Variants in CLEC16A observed in about 807,000 individuals in gnomAD.
CLEC16A encodes C-type lectin domain containing 16A.
Under a neutral mutation model 109.5 loss-of-function variants are expected in CLEC16A, and 51 were observed. That is an observed-to-expected ratio of 0.47 (90% CI 0.37 to 0.59). CLEC16A has a LOEUF of 0.59. Ranked by LOEUF, CLEC16A falls within the 20% of genes least tolerant of loss-of-function variation. CLEC16A has a pLI of 0.00. For synonymous variants in CLEC16A, 673 were observed against 564.2 expected, an observed-to-expected ratio of 1.19 and a Z score of -2.73; for missense variants, 1,339 against 1,394.0, an observed-to-expected ratio of 0.96 and a Z score of 0.63.
At chr16:11,078,891 C>G (rs1360111073) in intron 19 of CLEC16A, among the ~76,000 whole-genome samples, 2 of 152,198 alleles carry the variant, frequency 1.3e-5, no homozygotes, top group Non-Finnish European at 2.9e-5. Flanking sequence ...CTCTCCCTCT[C>G]CTCTCCACTT....
rs566754801 is a variant in CLEC16A at position 10,949,423 on chromosome 16, T to C, written c.80+4626T>C. On this transcript the variant is annotated intron_variant, in intron 1 of 23. Coordinates refer to ENST00000409790, the MANE Select transcript of CLEC16A (RefSeq NM_015226.3). The stretch of plus-strand genomic sequence containing the variant: ...AATGGAGACCAACGGGGTGAGTCGT[T>C]GTTACCAGGCAGCGGGGTGTCAGGT... Among the ~76,000 whole-genome samples the C allele has an allele frequency of 2.6e-5, 4 of 152,100 alleles. No homozygotes were observed. In the East Asian group the frequency reaches 7.7e-4, roughly 29 times the overall value.
intron 23 of CLEC16A, among the ~76,000 whole-genome samples, chr16:11,173,065 C>G (rs942383656): frequency 2.0e-5 from 3 of 152,144 alleles, no homozygotes; most frequent in African/African-American, 4.8e-5. Context: ...AAGAGAGCCC[C>G]CTTCACCCCA....
intron 23 of CLEC16A, among the ~76,000 whole-genome samples, chr16:11,173,870 C>T (rs2068629664): frequency 6.6e-6 from 1 of 152,164 alleles, no homozygotes; most frequent in Non-Finnish European, 1.5e-5. Flanking sequence ...AACAGGACTC[C>T]ACCTTCTCTG....
At chr16:11,141,892 G>C (rs980646377) in intron 22 of CLEC16A, among the ~76,000 whole-genome samples, 12 of 152,194 alleles carry the variant, frequency 7.9e-5, no homozygotes, top group African/African-American at 2.9e-4. Context: ...TAGTGAGGTG[G>C]GAGAGGCTTG....
chr16:11,027,710 C>T, intron 13 of CLEC16A: 1 of 1,580,152 alleles, frequency 6.3e-7, no homozygotes, highest in East Asian at 2.2e-5. Flanking sequence ...AGGAGATGGG[C>T]ACACTTGGCT....
chr16:11,059,585 C>G (rs1000817068), intron 18 of CLEC16A, among the ~76,000 whole-genome samples: 8 of 152,132 alleles, frequency 5.3e-5, no homozygotes, highest in African/African-American at 1.9e-4. Context: ...TGGCCCCTTT[C>G]TAGTTTTGGG....
intron 11 of CLEC16A, among the ~76,000 whole-genome samples, chr16:11,017,706 C>G (rs950148788): frequency 8.5e-5 from 13 of 152,282 alleles, no homozygotes; most frequent in South Asian, 2.1e-4. Flanking sequence ...GAGAAGGGTA[C>G]TTCCCCTCTG....
At chr16:11,022,443 C>T (rs2046165491) in intron 12 of CLEC16A, among the ~76,000 whole-genome samples, 1 of 150,554 alleles carries the variant, frequency 6.6e-6, no homozygotes, top group Non-Finnish European at 1.5e-5. Context: ...CCTGCCTCAG[C>T]CTTCCTGAGG....
At chr16:11,145,059 C>T (rs549743850) in intron 22 of CLEC16A, among the ~76,000 whole-genome samples, 24 of 152,252 alleles carry the variant, frequency 1.6e-4, no homozygotes, top group Non-Finnish European at 2.9e-4. Context: ...GCTGTGAAAA[C>T]CACCATGTGC....
intron 5 of CLEC16A, 52 bp from the exon 6 acceptor site, chr16:10,972,502 T>G: frequency 6.3e-7 from 1 of 1,584,680 alleles, no homozygotes; most frequent in Non-Finnish European, 8.7e-7. Flanking sequence ...TGTTAACTGT[T>G]GTCTGTTTTT....
intron 11 of CLEC16A, among the ~76,000 whole-genome samples, chr16:11,010,806 C>T (rs895183448): frequency 2.0e-5 from 3 of 152,216 alleles, no homozygotes; most frequent in African/African-American, 4.8e-5. Context: ...TCCTTTACTC[C>T]GGAACATTTC....
At chr16:11,124,877 A>T (rs1490282342) in intron 21 of CLEC16A, among the ~76,000 whole-genome samples, 2 of 152,190 alleles carry the variant, frequency 1.3e-5, no homozygotes, top group African/African-American at 4.8e-5. Flanking sequence ...ACTTGCGCCC[A>T]GGAATTCGAG....
At chr16:11,047,234 G>C (rs1597192141) in intron 16 of CLEC16A, 58 bp from the exon 17 acceptor site, 1 of 1,453,406 alleles carries the variant, frequency 6.9e-7, no homozygotes. Flanking sequence ...ATAATACTCT[G>C]TTGTTTATGG....
intron 19 of CLEC16A, among the ~76,000 whole-genome samples, chr16:11,119,392 C>T (rs563934506): frequency 2.0e-5 from 3 of 152,194 alleles, no homozygotes; most frequent in Admixed American, 1.3e-4. Flanking sequence ...TCCAGCTTTG[C>T]TCTTTTTTTG....
rs773221432 is a variant in CLEC16A at position 11,178,618 on chromosome 16, G to T, written c.3090G>T (p.Pro1030=). ...SLTGMPPLST[P]AAACTEPVGE... The stretch of plus-strand genomic sequence containing the variant: ...CCGGCATGCCCCCGCTGTCCACGCC[G>T]GCTGCCGCCTGCACAGAGCCCGTGG... Residue 1030 remains proline, a synonymous_variant, in exon 24 of 24, where the codon CCG becomes CCT. Transcript: ENST00000409790. This position sits in a 1 kb window ranked among gnomAD's most constrained non-coding sequence, Gnocchi z 6.5. The T allele has an allele frequency of 3.7e-6, 6 of 1,600,834 alleles. No homozygotes were observed. In the East Asian group the frequency reaches 1.1e-4, roughly 30 times the overall value.
At chr16:10,987,581 G>T (rs2043751416) in intron 10 of CLEC16A, among the ~76,000 whole-genome samples, 1 of 152,194 alleles carries the variant, frequency 6.6e-6, no homozygotes, top group African/African-American at 2.4e-5. Flanking sequence ...TAGCCCACAT[G>T]TGTCGGCTTT....
At position 11,024,914 on chromosome 16, in the gene CLEC16A, T is replaced by C; in HGVS notation, c.1530T>C (p.His510=). 1 of 1,605,006 alleles carries C rather than the reference T, an allele frequency of 6.2e-7. No homozygotes were observed. The highest frequency in any genetic ancestry group is 8.5e-7 in the Non-Finnish European group (1 of 1,175,498). Residue 510 remains histidine (H), a synonymous_variant, in exon 13 of 24, where the codon CAT becomes CAC. Transcript: ENST00000409790. ...FVLCLLYAMS[H]NKGMDPEKLE... ...TCTGCCTCCTCTATGCCATGTCTCATAATAAAGGTAAGCACCCTTGCCTTG... is the reference window on the plus strand; with the variant it reads ...TCTGCCTCCTCTATGCCATGTCTCACAATAAAGGTAAGCACCCTTGCCTTG...
chr16:11,028,544 A>G (rs75318687), intron 13 of CLEC16A, among the ~76,000 whole-genome samples: 380 of 137,454 alleles, frequency 2.8e-3, no homozygotes, highest in Non-Finnish European at 4.5e-3. Context: ...TCTGCTGTGG[A>G]AAAAAAAAAA....
intron 10 of CLEC16A, among the ~76,000 whole-genome samples, chr16:10,985,045 CA>C (rs1264310552): frequency 6.6e-6 from 1 of 151,074 alleles, no homozygotes; most frequent in Non-Finnish European, 1.5e-5. Flanking sequence ...ACTAAAAATA[CA>C]AAAAAAATTG....
Sources: allele counts gnomAD v4.1 joint callset (sites outside exome capture counted in the v4.1 genomes callset), GRCh38; gene constraint gnomAD v4.1.1; non-coding constraint Gnocchi (gnomAD v3.1); transcripts MANE v1.5; gene names NCBI Gene and HGNC (gene_info 2026-07-23, HGNC 2026-07-21).